The following UBE3D variants were observed in gnomAD, a reference collection of about 807,000 sequenced individuals.
UBE3D encodes the protein E3 ubiquitin-protein ligase E3D.
In UBE3D, 48 loss-of-function variants were observed where a neutral mutation model predicts 49.6. The ratio of observed to expected loss-of-function variants is 0.97; its 90% CI spans 0.77 to 1.23. The LOEUF (loss-of-function observed/expected upper bound fraction) is 1.23. Among genes scored for constraint, UBE3D ranks in the 50% most tolerant of loss-of-function variants. UBE3D has a pLI of 0.00. For missense variants in UBE3D, 452 were observed against 468.4 expected (o/e 0.96, Z 0.32); for synonymous variants, 189 against 174.2 (o/e 1.08, Z -0.67).
intron 9 of UBE3D, among the ~76,000 whole-genome samples, chr6:82,956,806 A>G (rs1776186151): frequency 6.6e-6 from 1 of 152,208 alleles, no homozygotes; most frequent in Non-Finnish European, 1.5e-5. Flanking sequence ...GTCAATTCTG[A>G]GCATCTGTTT....
intron 8 of UBE3D, among the ~76,000 whole-genome samples, chr6:82,974,355 G>A (rs1212193487): frequency 6.6e-6 from 1 of 151,850 alleles, no homozygotes. Flanking sequence ...TTGGTTCCAG[G>A]ACCCCCCACA....
intron 8 of UBE3D, among the ~76,000 whole-genome samples, chr6:82,961,121 G>A (rs1376133448): frequency 1.3e-5 from 2 of 152,098 alleles, no homozygotes; most frequent in South Asian, 2.1e-4. Flanking sequence ...GGCCTACCAC[G>A]GTAGAAAGCA....
intron 9 of UBE3D, among the ~76,000 whole-genome samples, chr6:82,896,468 C>A (rs1043837502): frequency 1.3e-5 from 2 of 152,102 alleles, no homozygotes; most frequent in African/African-American, 4.8e-5. Context: ...TAGTTCTGTA[C>A]ACCTGAATAG....
At chr6:82,919,381 A>G (rs924637567) in intron 9 of UBE3D, among the ~76,000 whole-genome samples, 1 of 151,792 alleles carries the variant, frequency 6.6e-6, no homozygotes, top group Non-Finnish European at 1.5e-5. Context: ...AGGCAAGCAG[A>G]TCACGAGGTC....
intron 9 of UBE3D, among the ~76,000 whole-genome samples, chr6:82,954,808 C>G (rs577313480): frequency 3.6e-4 from 55 of 152,276 alleles, no homozygotes; most frequent in African/African-American, 1.1e-3. Context: ...CACACTTTCC[C>G]ATTTTCACTG....
At chr6:83,035,166 G>T (rs1416735387) in intron 5 of UBE3D, among the ~76,000 whole-genome samples, 1 of 141,904 alleles carries the variant, frequency 7.0e-6, no homozygotes, top group African/African-American at 2.6e-5. Context: ...GGGCAACAGA[G>T]TGAGACTATG....
At chr6:83,013,656 G>A (rs952811014) in intron 8 of UBE3D, among the ~76,000 whole-genome samples, 3 of 152,144 alleles carry the variant, frequency 2.0e-5, no homozygotes, top group African/African-American at 4.8e-5. Flanking sequence ...TAGGAGGGGC[G>A]AAATGCAGCA....
chr6:82,997,455 C>G (rs1003345400), intron 8 of UBE3D, among the ~76,000 whole-genome samples: 1 of 152,190 alleles, frequency 6.6e-6, no homozygotes, highest in Non-Finnish European at 1.5e-5. Context: ...TGCAGTGGCT[C>G]ACGCCTGTAA....
At chr6:82,897,113 A>G (rs1310531071) in intron 9 of UBE3D, among the ~76,000 whole-genome samples, 2 of 152,048 alleles carry the variant, frequency 1.3e-5, no homozygotes, top group East Asian at 1.9e-4. Context: ...GACTCTTTAC[A>G]CTAAGTAGAC....
intron 8 of UBE3D, among the ~76,000 whole-genome samples, chr6:82,985,581 C>T (rs1226048851): frequency 1.3e-5 from 2 of 152,220 alleles, no homozygotes; most frequent in African/African-American, 4.8e-5. Flanking sequence ...CCAGGATGGT[C>T]TCAATCTCCT....
intron 9 of UBE3D, among the ~76,000 whole-genome samples, chr6:82,930,605 T>C (rs757043023): frequency 1.3e-5 from 2 of 152,184 alleles, no homozygotes; most frequent in Non-Finnish European, 2.9e-5. Context: ...TGGTCTCAGA[T>C]GAAGATGAGG....
intron 9 of UBE3D, among the ~76,000 whole-genome samples, chr6:82,956,297 C>G (rs1473014463): frequency 6.6e-6 from 1 of 152,168 alleles, no homozygotes. Flanking sequence ...TGTCAAGAGT[C>G]GCAGATATGT....
chr6:82,905,955 A>G (rs1772071700), intron 9 of UBE3D, among the ~76,000 whole-genome samples: 1 of 152,216 alleles, frequency 6.6e-6, no homozygotes, highest in African/African-American at 2.4e-5. Context: ...TCCCTGCCAC[A>G]GACCTCTTCT....
chr6:82,999,020 T>A (rs1326288909), intron 8 of UBE3D, among the ~76,000 whole-genome samples: 1 of 152,170 alleles, frequency 6.6e-6, no homozygotes, highest in Admixed American at 6.6e-5. Context: ...GTCATCTCAC[T>A]CATCTCCTTT....
chr6:82,991,727 A>T (rs1778897414), intron 8 of UBE3D, among the ~76,000 whole-genome samples: 1 of 152,166 alleles, frequency 6.6e-6, no homozygotes, highest in South Asian at 2.1e-4. Flanking sequence ...TAAGCATAGC[A>T]ATCCCTGAGC....
At chr6:82,921,775 C>T (rs1773360990) in intron 9 of UBE3D, among the ~76,000 whole-genome samples, 1 of 152,118 alleles carries the variant, frequency 6.6e-6, no homozygotes, top group South Asian at 2.1e-4. Context: ...AGAACCCTCC[C>T]AAAGTCCCAA....
intron 3 of UBE3D, chr6:83,049,689 G>A (rs1783330159): frequency 2.2e-6 from 1 of 462,940 alleles, no homozygotes. Context: ...GATCTAGGCT[G>A]ACACCTAGCA....
At chr6:82,949,708 C>T (rs903082241) in intron 9 of UBE3D, among the ~76,000 whole-genome samples, 3 of 151,874 alleles carry the variant, frequency 2.0e-5, no homozygotes, top group African/African-American at 4.8e-5. Context: ...GAAACAAATC[C>T]ATACATCTAC....
intron 8 of UBE3D, among the ~76,000 whole-genome samples, chr6:82,968,321 G>GC (rs1170646379): frequency 1.2e-5 from 1 of 82,106 alleles, no homozygotes; most frequent in Non-Finnish European, 2.5e-5. Context: ...TATTTCCCCT[G>GC]CCCCCCACCC....
Sources: allele counts gnomAD v4.1 joint callset (sites outside exome capture counted in the v4.1 genomes callset), GRCh38; gene constraint gnomAD v4.1.1; transcripts MANE v1.5; gene names NCBI Gene and HGNC (gene_info 2026-07-23, HGNC 2026-07-21).